Variants in DNAI2 observed in about 807,000 individuals in gnomAD.
DNAI2 encodes the protein dynein, axonemal, intermediate polypeptide 2.
DNAI2 carries 63 observed loss-of-function variants against 74.7 expected under a neutral mutation model. The observed-to-expected ratio is 0.84, with a 90% CI of 0.69 to 1.04. The LOEUF (loss-of-function observed/expected upper bound fraction) is 1.04. DNAI2 is among the 50% of genes least tolerant of loss of function. The probability of loss-of-function intolerance (pLI) is 0.00; values close to 1 mark genes in which losing one functional copy is unlikely to be tolerated. For missense variants in DNAI2, 688 were observed against 803.2 expected (o/e 0.86, Z 1.73); for synonymous variants, 289 against 314.9 (o/e 0.92, Z 0.87).
chr17:74,301,772 G>GCC, intron 8 of DNAI2, among the ~76,000 whole-genome samples: 2 of 141,422 alleles, frequency 1.4e-5, no homozygotes, highest in African/African-American at 5.4e-5. Context: ...TACATAATGA[G>GCC]ACCCCCCCCA....
intron 9 of DNAI2, among the ~76,000 whole-genome samples, chr17:74,307,818 G>A (rs2053276146): frequency 6.6e-6 from 1 of 151,344 alleles, no homozygotes; most frequent in Admixed American, 6.6e-5. Context: ...TTTTTTTGGG[G>A]GGATGAAGTC....
chr17:74,307,211 C>T (rs1237721379), intron 9 of DNAI2: 1 of 455,844 alleles, frequency 2.2e-6, no homozygotes, highest in South Asian at 1.5e-5. Context: ...TCAGGTCCTG[C>T]AGGCTGCCAG....
chr17:74,291,363 C>T (rs190425042), intron 6 of DNAI2, among the ~76,000 whole-genome samples: 101 of 152,152 alleles, frequency 6.6e-4, no homozygotes, highest in Non-Finnish European at 1.3e-4. Context: ...AGGGTTTCAC[C>T]ATGTTGGCCA....
chr17:74,314,001 T>C, intron 12 of DNAI2, 120 bp from the exon 13 acceptor site: 2 of 1,557,858 alleles, frequency 1.3e-6, no homozygotes, highest in South Asian at 2.3e-5. Context: ...TCCAGGGTGC[T>C]CAGCGACCCA....
intron 9 of DNAI2, chr17:74,307,086 A>C (rs2053230828): frequency 2.9e-6 from 1 of 349,076 alleles, no homozygotes; most frequent in Admixed American, 3.7e-5. Flanking sequence ...CTCATTCTAC[A>C]GGGGTGGGAA....
At chr17:74,288,715 C>T (rs115266636) in intron 4 of DNAI2, among the ~76,000 whole-genome samples, 128 of 152,230 alleles carry the variant, frequency 8.4e-4, no homozygotes, top group Middle Eastern at 6.8e-3. Context: ...AAGGACTCCT[C>T]GGCCTTGAAG....
chr17:74,306,384 C>G (rs1199346561), intron 9 of DNAI2, among the ~76,000 whole-genome samples: 1 of 152,224 alleles, frequency 6.6e-6, no homozygotes, highest in Non-Finnish European at 1.5e-5. Context: ...AGCCCGAATT[C>G]TAACCACCCC....
At chr17:74,309,519 C>G in intron 10 of DNAI2, 131 bp downstream of exon 10, 6 of 1,294,732 alleles carry the variant, frequency 4.6e-6, no homozygotes, top group Non-Finnish European at 5.5e-6. Flanking sequence ...GTGGGGGAGC[C>G]GTGTGCAGGC....
chr17:74,307,639 G>A (rs2053260544), intron 9 of DNAI2, among the ~76,000 whole-genome samples: 1 of 151,966 alleles, frequency 6.6e-6, no homozygotes, highest in Non-Finnish European at 1.5e-5. Flanking sequence ...CTCCAGCCTG[G>A]GCGACAGAGT....
In DNAI2 at chr17:74,289,619, G is replaced by T; in HGVS notation, c.493G>T (p.Ala165Ser). The change falls in exon 5 of 14, where the codon GCC (alanine) becomes TCC (serine). Residue 165 changes from alanine (A) to serine (S), a missense_variant. Coordinates refer to ENST00000311014, the MANE Select transcript of DNAI2 (RefSeq NM_023036.6). ...FRDPQEIKRA[A>S]THLSWHPDGN... ...GGACCCCCAGGAAATCAAGAGGGCT[G>T]CCACACACCTCTCCTGGCACCCCGA... 6.2e-7 allele frequency: 1 copy of T among 1,614,026 alleles called. No individual in the cohort carries two copies. The highest frequency in any genetic ancestry group is 1.6e-4 in the Middle Eastern group (1 of 6,062).
At chr17:74,312,251 T>TG in intron 12 of DNAI2, 21 bp downstream of exon 12, 1 of 500,432 alleles carries the variant, frequency 2.0e-6, no homozygotes, top group African/African-American at 2.5e-5. Flanking sequence ...GGACAGGGGT[T>TG]GGGTGGGTTG....
At position 74,285,087 on chromosome 17, in the gene DNAI2, C is replaced by T. The variant is rs370352545; in HGVS notation, c.231C>T (p.Val77=). The T allele has an allele frequency of 8.4e-5, 135 of 1,614,076 alleles. No homozygotes were observed. The highest frequency in any genetic ancestry group is 4.2e-4 in the Admixed American group (25 of 60,008). The change falls in exon 3 of 14, where the codon GTC becomes GTT. Residue 77 remains valine, a synonymous_variant. Transcript: ENST00000311014. ...TGGAGACCCGGGGAGTTAACCATGTCGAGGGGGGCTGGCCCAAGGACGTGA... is the reference window on the plus strand; with the variant it reads ...TGGAGACCCGGGGAGTTAACCATGTTGAGGGGGGCTGGCCCAAGGACGTGA... ...FEMETRGVNH[V]EGGWPKDVNP...
intron 2 of DNAI2, among the ~76,000 whole-genome samples, chr17:74,282,409 T>C (rs1160785929): frequency 6.6e-6 from 1 of 152,058 alleles, no homozygotes; most frequent in Non-Finnish European, 1.5e-5. Context: ...CAATAGATCC[T>C]CCCACCTCAG....
chr17:74,306,178 G>A (rs1053387821), intron 9 of DNAI2, among the ~76,000 whole-genome samples: 1 of 152,242 alleles, frequency 6.6e-6, no homozygotes, highest in African/African-American at 2.4e-5. Context: ...TCAGCAGTGA[G>A]GCATAGCCTG....
At chr17:74,280,403 C>A (rs897261484) in intron 1 of DNAI2, among the ~76,000 whole-genome samples, 1 of 152,170 alleles carries the variant, frequency 6.6e-6, no homozygotes, top group Non-Finnish European at 1.5e-5. Flanking sequence ...CAGGGCCGAG[C>A]CCAGCCCACT....
At chr17:74,304,692 C>T (rs1427526909) in intron 8 of DNAI2, among the ~76,000 whole-genome samples, 3 of 152,132 alleles carry the variant, frequency 2.0e-5, no homozygotes, top group Admixed American at 6.5e-5. Context: ...GGTAGGGGGA[C>T]GAGTTACATC....
At chr17:74,278,634 G>A (rs999978316) in intron 1 of DNAI2, among the ~76,000 whole-genome samples, 3 of 152,010 alleles carry the variant, frequency 2.0e-5, no homozygotes, top group Non-Finnish European at 4.4e-5. Flanking sequence ...ATTGTTGGCC[G>A]GGCATGGTGG....
intron 3 of DNAI2, among the ~76,000 whole-genome samples, chr17:74,286,422 A>G (rs984933671): frequency 6.6e-6 from 1 of 151,362 alleles, no homozygotes; most frequent in Non-Finnish European, 1.5e-5. Context: ...TGCCTCCATA[A>G]AATGTTTGTT....
chr17:74,296,311 AAGAGAGAG>A (rs143184350), intron 6 of DNAI2, among the ~76,000 whole-genome samples: 4 of 102,132 alleles, frequency 3.9e-5, no homozygotes, highest in Admixed American at 1.0e-4. Flanking sequence ...CTTGCCTTTA[AAGAGAGAG>A]AGAGAGAGAG....
Sources: gnomAD v4.1 joint callset for allele counts (sites outside exome capture counted in the v4.1 genomes callset) on GRCh38, gnomAD v4.1.1 for gene constraint, MANE v1.5 for transcripts, NCBI Gene and HGNC (gene_info 2026-07-23, HGNC 2026-07-21) for gene names.